The following SREBF1 variants were observed in gnomAD, a reference collection of about 807,000 sequenced individuals.
SREBF1 encodes sterol regulatory element-binding protein 1.
In SREBF1, 45 loss-of-function variants were observed where a neutral mutation model predicts 100.1. The ratio of observed to expected loss-of-function variants is 0.45; its 90% CI spans 0.35 to 0.58. The LOEUF is 0.58. Among genes scored for constraint, SREBF1 ranks in the 20% least tolerant of loss-of-function variants. SREBF1 has a pLI of 0.00. For synonymous variants in SREBF1, 657 were observed against 681.8 expected (o/e 0.96, Z 0.57); for missense variants, 1,324 against 1,539.4 (o/e 0.86, Z 2.34).
chr17:17,833,574 G>A (rs903770493), intron 1 of SREBF1, among the ~76,000 whole-genome samples: 7 of 150,744 alleles, frequency 4.6e-5, no homozygotes, highest in East Asian at 3.9e-4. Context: ...AAAAATGTTC[G>A]ACAGCTAGTA....
intron 1 of SREBF1, chr17:17,823,439 C>T: frequency 1.8e-6 from 2 of 1,089,514 alleles, no homozygotes; most frequent in East Asian, 2.4e-5. Context: ...GCGTAGCCCG[C>T]ATGCCCGCCC....
rs780021688 is a variant in SREBF1 at position 17,815,944 on chromosome 17, C to T, written c.2299G>A (p.Val767Met). 8.7e-6 allele frequency: 14 copies of T among 1,612,780 alleles called. No homozygotes were observed. Among genetic ancestry groups the T allele is most frequent in the South Asian group, 3.3e-5 (3 of 91,084 alleles). ...PPAMQWLCHP[V>M]GHRFFVDGDW... ...CCATCCACGAAGAAACGGTGGCCCA[C>T]GGGGTGGCAGAGCCACTGCATGGCA... Residue 767 changes from valine to methionine, a missense_variant, in exon 12 of 19, where the codon GTG becomes ATG. Val to Met is a conservative substitution (Grantham distance 21, BLOSUM62 1). Coordinates refer to ENST00000261646, the MANE Select transcript of SREBF1 (RefSeq NM_004176.5).
At chr17:17,826,904 C>T (rs535412359) in intron 1 of SREBF1, among the ~76,000 whole-genome samples, 1 of 152,350 alleles carries the variant, frequency 6.6e-6, no homozygotes, top group East Asian at 1.9e-4. Flanking sequence ...CAAACAACCT[C>T]CTGGAAGAGG....
intron 1 of SREBF1, among the ~76,000 whole-genome samples, chr17:17,825,397 G>A (rs999961912): frequency 6.6e-6 from 1 of 152,136 alleles, no homozygotes; most frequent in African/African-American, 2.4e-5. Flanking sequence ...ACTCTGATGG[G>A]GGTGGGGCGG....
chr17:17,827,074 G>A (rs1169765187), intron 1 of SREBF1, among the ~76,000 whole-genome samples: 1 of 152,174 alleles, frequency 6.6e-6, no homozygotes, highest in Non-Finnish European at 1.5e-5. Context: ...AGGACTGAAT[G>A]ATATGAGGGA....
chr17:17,816,913 C>G, intron 9 of SREBF1, 45 bp downstream of exon 9: 1 of 1,611,462 alleles, frequency 6.2e-7, no homozygotes, highest in Non-Finnish European at 8.5e-7. Flanking sequence ...ACCTTCACAG[C>G]CTGGGGTCCC....
At position 17,836,216 on chromosome 17, in the gene SREBF1, C is replaced by T. The variant is rs572035215; in HGVS notation, c.91+511G>A. Among the ~76,000 whole-genome samples, 23 of 152,394 alleles carry T rather than the reference C, an allele frequency of 1.5e-4. No homozygotes were observed. The East Asian group carries it at 4.0e-3, about 27-fold the overall frequency. On this transcript the variant is annotated intron_variant, in intron 1 of 18. Transcript: ENST00000261646. ...ATGAGTGCGGAGGCTGTGCCCGTCG[C>T]AGACCGGGAGAACCCGACACGAGGC...
intron 1 of SREBF1, 141 bp downstream of exon 1, chr17:17,836,586 G>T (rs1343799040): frequency 4.8e-6 from 4 of 840,226 alleles, no homozygotes; most frequent in Middle Eastern, 2.5e-4. Context: ...TCGGGACACC[G>T]AGCTCAGAGA....
intron 1 of SREBF1, 65 bp downstream of exon 1, chr17:17,836,662 G>C: frequency 6.8e-7 from 1 of 1,480,516 alleles, no homozygotes; most frequent in Non-Finnish European, 9.1e-7. Context: ...AGGCCAGGGA[G>C]ACACCTGCGC....
chr17:17,815,328 C>T lies in SREBF1; in HGVS notation c.2385G>A (p.Val795=). ...GCTGAGTCACCTGGGCCAGGGGGTC[C>T]ACTGTGGAGAGGAGGAGGTGAGTGG... is the stretch of plus-strand genomic sequence containing the variant. The part of the protein sequence containing the change: ...ESLYSLAGNP[V]DPLAQVTQLF... Residue 795 remains valine, a splice_region_variant and synonymous_variant, in exon 13 of 19, where the codon GTG becomes GTA. Coordinates refer to ENST00000261646, the MANE Select transcript of SREBF1 (RefSeq NM_004176.5). The T allele has an allele frequency of 6.2e-7, 1 of 1,613,172 alleles. No individual in the cohort carries two copies. The highest frequency in any genetic ancestry group is 1.1e-5 in the South Asian group (1 of 91,066).
At chr17:17,823,159 T>C (rs574127320) in intron 1 of SREBF1, among the ~76,000 whole-genome samples, 11 of 152,336 alleles carry the variant, frequency 7.2e-5, no homozygotes, top group African/African-American at 2.6e-4. Context: ...GGGTGCTGAA[T>C]AGGGCAGACG....
rs770973079 is a variant in SREBF1 at position 17,812,363 on chromosome 17, G to T, written c.*259C>A. 1 of 580,528 alleles carries T rather than the reference G, an allele frequency of 1.7e-6. No individual in the cohort carries two copies. Among genetic ancestry groups the T allele is most frequent in the Non-Finnish European group, 3.0e-6 (1 of 329,928 alleles). 36.0% of individuals were successfully genotyped at this position (580,528 alleles called of 1,614,324 possible). ...ACTAAGGTGCCTGCAGAGCAAGGAG[G>T]GGGGCCCCCCAAAATGGCTCGGCCC... On this transcript the variant is annotated 3_prime_UTR_variant, in exon 19 of 19. Transcript: ENST00000261646.
chr17:17,823,650 G>C (rs1055229592), intron 1 of SREBF1: 2 of 1,487,820 alleles, frequency 1.3e-6, no homozygotes, highest in Non-Finnish European at 1.8e-6. Context: ...GAGCGCTGCG[G>C]CGCGCCCGCC....
intron 2 of SREBF1, 41 bp from the exon 3 acceptor site, chr17:17,819,766 T>C: frequency 1.3e-6 from 2 of 1,539,692 alleles, no homozygotes; most frequent in South Asian, 1.2e-5. Context: ...CAGACCTCCC[T>C]CTCCCACTTT....
rs372841919 is a variant in SREBF1, at chr17:17,814,672, G to A, written c.2678C>T (p.Ala893Val). The change falls in exon 15 of 19, where the codon GCG becomes GTG. Residue 893 changes from alanine to valine, a missense_variant. Coordinates refer to ENST00000261646, the MANE Select transcript of SREBF1 (RefSeq NM_004176.5). ...CACCAGCGGGCACAGCCGCTCAGCC[G>A]CCTCCTCATCCCGCCGCAGCCAGTG... ...VIHWLRRDEE[A>V]AERLCPLVEH... 129 of 1,577,080 alleles carry A rather than the reference G, an allele frequency of 8.2e-5. No homozygotes were observed. The highest frequency in any genetic ancestry group is 1.1e-4 in the Non-Finnish European group (125 of 1,165,480).
rs768539832 is a variant in SREBF1 at position 17,817,523 on chromosome 17, A to AG, written c.1405-67dup. 692 of 1,360,204 alleles carry AG rather than the reference A, an allele frequency of 5.1e-4. 2 individuals are homozygous for AG. Among genetic ancestry groups the AG allele is most frequent in the South Asian group, 5.5e-4 (44 of 80,524 alleles). The allele number at this position is 1,360,204 out of a possible 1,614,324, so 84.3% of individuals were successfully genotyped here. On this transcript the variant is annotated intron_variant, in intron 7 of 18. Transcript: ENST00000261646. This position sits in a 1 kb window ranked among gnomAD's most constrained non-coding sequence, Gnocchi z 6.6. ...GACCCCAGAGAGCATGGGGCTGGGA[A>AG]GGGGGGGGTCAGGATTCTGCCCACC...
chr17:17,820,575 G>A, intron 1 of SREBF1, 54 bp from the exon 2 acceptor site: 3 of 1,571,978 alleles, frequency 1.9e-6, no homozygotes, highest in Non-Finnish European at 2.6e-6. Flanking sequence ...CCCCCAAACA[G>A]GGCATCACAC....
At position 17,817,158 on chromosome 17, in the gene SREBF1, G is replaced by A. The variant is rs1284514262; in HGVS notation, c.1607-22C>T. ...CCATCTATGGACAGAGGGAAAGCTG[G>A]GGACACAGCTCCCAGGAAATCCAGA... On this transcript the variant is annotated intron_variant, in intron 8 of 18. Coordinates refer to ENST00000261646, the MANE Select transcript of SREBF1 (RefSeq NM_004176.5). The surrounding 1 kb of genome is among the most constrained non-coding windows in gnomAD (Gnocchi z 6.6). The A allele has an allele frequency of 2.5e-6, 4 of 1,612,824 alleles. No homozygotes were observed. Among genetic ancestry groups the A allele is most frequent in the African/African-American group, 2.7e-5 (2 of 74,930 alleles).
rs374955252 is a variant in SREBF1, at chr17:17,815,908, C to G, written c.2335G>C (p.Val779Leu). Residue 779 changes from valine (V) to leucine (L), a missense_variant, in exon 12 of 19, where the codon GTG becomes CTG. Transcript: ENST00000261646. Reference sequence around the variant, plus strand: ...AGGCTCTCCCATGGGGTACTGAGCACGGACCAGTCCCCATCCACGAAGAAA... The same window carrying G: ...AGGCTCTCCCATGGGGTACTGAGCAGGGACCAGTCCCCATCCACGAAGAAA... ...HRFFVDGDWS[V>L]LSTPWESLYS... 1.2e-6 allele frequency: 2 copies of G among 1,612,968 alleles called. No individual in the cohort carries two copies. The highest frequency in any genetic ancestry group is 1.7e-6 in the Non-Finnish European group (2 of 1,179,934).
Sources: allele counts gnomAD v4.1 joint callset (sites outside exome capture counted in the v4.1 genomes callset), GRCh38; gene constraint gnomAD v4.1.1; non-coding constraint Gnocchi (gnomAD v3.1); transcripts MANE v1.5; gene names NCBI Gene and HGNC (gene_info 2026-07-23, HGNC 2026-07-21).